Variants in USP20 observed in about 807,000 individuals in gnomAD.
USP20 encodes the protein ubiquitin specific peptidase 20.
In USP20, 80 loss-of-function variants were observed where a neutral mutation model predicts 124.2. That is an observed-to-expected ratio of 0.64 (90% confidence interval 0.54 to 0.78). The LOEUF is 0.78. Ranked by LOEUF, USP20 falls within the 30% of genes least tolerant of loss-of-function variation. USP20 has a pLI of 0.00. For missense variants in USP20, 1,043 were observed against 1,244.4 expected (o/e 0.84, Z 2.44); for synonymous variants, 481 against 512.3 (o/e 0.94, Z 0.83).
At chr9:129,840,543 A>G (rs909569575) in intron 1 of USP20, among the ~76,000 whole-genome samples, 1 of 152,180 alleles carries the variant, frequency 6.6e-6, no homozygotes, top group Non-Finnish European at 1.5e-5. Flanking sequence ...TTACAAGAAT[A>G]CAATGAACTC....
intron 22 of USP20, 78 bp downstream of exon 22, chr9:129,876,316 T>C (rs1215059882): frequency 1.6e-6 from 2 of 1,227,582 alleles, no homozygotes; most frequent in African/African-American, 3.0e-5. Flanking sequence ...GACAGAAGAA[T>C]CCTGTGCAGT....
intron 12 of USP20, 59 bp downstream of exon 12, chr9:129,869,061 A>G (rs2033980798): frequency 6.5e-7 from 1 of 1,530,278 alleles, no homozygotes; most frequent in African/African-American, 1.4e-5. Context: ...TTACGCCCGT[A>G]GCTGCCTTTC....
In USP20 at chr9:129,865,391, C is replaced by T. The variant is rs759026681; in HGVS notation, c.690+10C>T. The T allele has an allele frequency of 2.0e-5, 33 of 1,614,020 alleles. No homozygotes were observed. Among genetic ancestry groups the T allele is most frequent in the Non-Finnish European group, 2.8e-5 (33 of 1,179,956 alleles). On this transcript the variant is annotated intron_variant, in intron 10 of 25. Transcript: ENST00000372429. ...AGGCTATGCCCAGCAGGTAAGCCAT[C>T]TGAGCTGCCCAGGGGACACCCAAGG...
chr9:129,863,297 A>G lies in USP20; in HGVS notation c.609A>G (p.Lys203=). 6.5e-7 allele frequency: 1 copy of G among 1,543,710 alleles called. No homozygotes were observed. The highest frequency in any genetic ancestry group is 8.8e-7 in the Non-Finnish European group (1 of 1,140,360). ...QKLVSEVWHK[K]RPSYVVPTSL... ...TGGTCTCTGAGGTCTGGCATAAGAAACGGTGAGCAGCTGCATCCCTAGCCT... is the reference window on the plus strand; with the variant it reads ...TGGTCTCTGAGGTCTGGCATAAGAAGCGGTGAGCAGCTGCATCCCTAGCCT... Residue 203 remains lysine, a splice_region_variant and synonymous_variant, in exon 9 of 26, where the codon AAA becomes AAG. Transcript: ENST00000372429.
chr9:129,837,426 T>C (rs1166639912), intron 1 of USP20, among the ~76,000 whole-genome samples: 1 of 152,218 alleles, frequency 6.6e-6, no homozygotes, highest in Non-Finnish European at 1.5e-5. Context: ...GGAGCATTCA[T>C]GTCCGATTGG....
rs745457763 is a variant in USP20 at position 129,868,082 on chromosome 9, G to T, written c.768G>T (p.Ala256=). The T allele has an allele frequency of 3.7e-6, 6 of 1,613,978 alleles. No homozygotes were observed. Among genetic ancestry groups the T allele is most frequent in the Non-Finnish European group, 5.1e-6 (6 of 1,180,018 alleles). The change falls in exon 11 of 26, where the codon GCG becomes GCT. Residue 256 remains alanine (A), a synonymous_variant. Coordinates refer to ENST00000372429, the MANE Select transcript of USP20 (RefSeq NM_001110303.4). Reference sequence around the variant, plus strand: ...AGGAGCCGGTGGTGGCCACGGTGGCGCTGACGGAGGCTCGGGACTCAGATT... The same window carrying T: ...AGGAGCCGGTGGTGGCCACGGTGGCTCTGACGGAGGCTCGGGACTCAGATT... ...ELKEPVVATV[A]LTEARDSDSS... is the part of the protein sequence containing the mutation.
Position 129,839,301 on chromosome 9 carries a change from T to C in USP20, c.-129+3802T>C, listed in dbSNP as rs2032056245. Among the ~76,000 whole-genome samples, 1 of 152,168 alleles carries C rather than the reference T, an allele frequency of 6.6e-6. No individual in the cohort carries two copies. Among genetic ancestry groups the C allele is most frequent in the Non-Finnish European group, 1.5e-5 (1 of 68,026 alleles). On this transcript the variant is annotated intron_variant, in intron 1 of 25. Transcript: ENST00000372429. The surrounding 1 kb of genome is among the most constrained non-coding windows in gnomAD (Gnocchi z 4.5). ...GTTGTGAGGGTCCAGTGAGGTCACATGTGAGAACACCAGACTAAGATGTTA... is the reference window on the plus strand; with the variant it reads ...GTTGTGAGGGTCCAGTGAGGTCACACGTGAGAACACCAGACTAAGATGTTA...
In USP20 at chr9:129,857,901, C is replaced by T. The variant is rs182654874; in HGVS notation, c.136-149C>T. 1.4e-4 allele frequency: 97 copies of T among 717,110 alleles called. No homozygotes were observed. The African/African-American group carries it at 1.5e-3, about 11-fold the overall frequency. 44.4% of individuals were successfully genotyped at this position (717,110 alleles called of 1,614,324 possible). ...CTTCAGGTGTACAGACCTACAGACC[C>T]GTGTTCCTTTGAGATGGCAGAGCCT... On this transcript the variant is annotated intron_variant, in intron 4 of 25. Coordinates refer to ENST00000372429, the MANE Select transcript of USP20 (RefSeq NM_001110303.4).
intron 6 of USP20, among the ~76,000 whole-genome samples, 194 bp downstream of exon 6, chr9:129,858,792 G>C (rs1472767138): frequency 6.6e-6 from 1 of 152,218 alleles, no homozygotes; most frequent in African/African-American, 2.4e-5. Context: ...GCCGAGGCAT[G>C]TGTGAGACCA....
intron 1 of USP20, among the ~76,000 whole-genome samples, chr9:129,845,402 A>AT (rs955565973): frequency 3.9e-5 from 6 of 152,074 alleles, no homozygotes; most frequent in African/African-American, 7.2e-5. Flanking sequence ...CGATTTAGGT[A>AT]TTTTTTTTGG....
intron 1 of USP20, among the ~76,000 whole-genome samples, chr9:129,847,544 G>T (rs1398581215): frequency 1.3e-5 from 2 of 151,868 alleles, no homozygotes; most frequent in Non-Finnish European, 2.9e-5. Flanking sequence ...CTCATGATCC[G>T]CCCGCCTCAG....
chr9:129,836,458 G>A (rs1478785488), intron 1 of USP20, among the ~76,000 whole-genome samples: 2 of 152,108 alleles, frequency 1.3e-5, no homozygotes, highest in Non-Finnish European at 2.9e-5. Flanking sequence ...TTGGTTGCAG[G>A]TCAGTCTCTG....
Position 129,852,549 on chromosome 9 carries a change from G to A in USP20, c.-7G>A. The A allele has an allele frequency of 6.3e-7, 1 of 1,590,976 alleles. No homozygotes were observed. The highest frequency in any genetic ancestry group is 8.6e-7 in the Non-Finnish European group (1 of 1,167,622). ...TTGTGTCTTCTCATAGGTGAGCCCA[G>A]GCCAGGATGGGGGACTCCAGGGACC... On this transcript the variant is annotated 5_prime_UTR_variant, in exon 3 of 26. Coordinates refer to ENST00000372429, the MANE Select transcript of USP20 (RefSeq NM_001110303.4).
At chr9:129,852,467 T>G in intron 2 of USP20, 73 bp from the exon 3 acceptor site, 2 of 1,391,738 alleles carry the variant, frequency 1.4e-6, no homozygotes, top group Non-Finnish European at 2.0e-6. Flanking sequence ...AGTCATGTAC[T>G]TAACCACTCA....
At chr9:129,880,317 G>A in intron 25 of USP20, 28 bp downstream of exon 25, 17 of 1,536,508 alleles carry the variant, frequency 1.1e-5, no homozygotes, top group Non-Finnish European at 1.4e-5. Context: ...GTCCCTCCAT[G>A]GCACTCTGGG....
Position 129,874,692 on chromosome 9 carries a change from G to A in USP20, c.1857G>A (p.Glu619=). The part of the protein sequence containing the change: ...GLDLRPFLAK[E]CTSQITTYDL... Reference sequence around the variant, plus strand: ...ACCTGCGCCCCTTCCTTGCCAAGGAGTGCACATCCCAGATCACCACCTACG... The same window carrying A: ...ACCTGCGCCCCTTCCTTGCCAAGGAATGCACATCCCAGATCACCACCTACG... Residue 619 remains glutamate, a synonymous_variant, in exon 18 of 26, where the codon GAG becomes GAA. Coordinates refer to ENST00000372429, the MANE Select transcript of USP20 (RefSeq NM_001110303.4). 1 of 1,613,976 alleles carries A rather than the reference G, an allele frequency of 6.2e-7. No individual in the cohort carries two copies. Among genetic ancestry groups the A allele is most frequent in the African/African-American group, 1.3e-5 (1 of 75,054 alleles).
intron 25 of USP20, 29 bp from the exon 26 acceptor site, chr9:129,880,438 C>T (rs2034594314): frequency 2.1e-6 from 2 of 952,864 alleles, no homozygotes; most frequent in Non-Finnish European, 3.0e-6. Flanking sequence ...ATGGCCCGGC[C>T]CCACTGCTGA....
intron 1 of USP20, among the ~76,000 whole-genome samples, chr9:129,846,518 A>G (rs1276382783): frequency 6.6e-6 from 1 of 151,362 alleles, no homozygotes; most frequent in Non-Finnish European, 1.5e-5. Flanking sequence ...TCGGCCTCCA[A>G]GAGTGCTGGA....
At chr9:129,860,013 C>T (rs1268050640) in intron 6 of USP20, among the ~76,000 whole-genome samples, 4 of 151,958 alleles carry the variant, frequency 2.6e-5, no homozygotes, top group Non-Finnish European at 4.4e-5. Flanking sequence ...GCCTGGGCGA[C>T]GAGCAAGACT....
Sources: gnomAD v4.1 joint callset for allele counts (sites outside exome capture counted in the v4.1 genomes callset) on GRCh38, gnomAD v4.1.1 for gene constraint, Gnocchi (gnomAD v3.1) non-coding constraint, MANE v1.5 for transcripts, NCBI Gene and HGNC (gene_info 2026-07-23, HGNC 2026-07-21) for gene names.